Variants in NWD2 observed in about 807,000 individuals in gnomAD.
NWD2 encodes NACHT and WD repeat domain-containing protein 2.
In NWD2, 37 loss-of-function variants were observed where a neutral mutation model predicts 132.7. The observed-to-expected ratio is 0.28, with a 90% confidence interval of 0.21 to 0.37. The LOEUF (loss-of-function observed/expected upper bound fraction) is 0.37. NWD2 is among the 10% of genes least tolerant of loss of function. The pLI is 1.00. For missense variants in NWD2, 1,592 were observed against 2,122.4 expected (o/e 0.75, Z 4.91); for synonymous variants, 705 against 803.0 (o/e 0.88, Z 2.06).
Position 37,447,056 on chromosome 4 carries a change from T to TG in NWD2, c.5070dup (p.Arg1691GlufsTer5). ...TTTTAAAATATCTGTGGATTGCTTA[T>TG]GGAGAGAGTCCACTGAGGTCTTTGC... On this transcript the variant is annotated frameshift_variant, in exon 7 of 7. Transcript: ENST00000309447. LOFTEE classifies it high-confidence loss of function. 6.4e-7 allele frequency: 1 copy of TG among 1,551,734 alleles called. No individual in the cohort carries two copies. The highest frequency in any genetic ancestry group is 8.7e-7 in the Non-Finnish European group (1 of 1,147,004).
intron 1 of NWD2, among the ~76,000 whole-genome samples, chr4:37,318,020 C>CTTTTTTTTTTTTT (rs71185128): frequency 8.8e-6 from 1 of 113,364 alleles, no homozygotes; most frequent in Non-Finnish European, 1.7e-5. Flanking sequence ...TTTTTTCTTT[C>CTTTTTTTTTTTTT]TTTTTTTTTT....
chr4:37,301,290 G>A (rs1194758678), intron 1 of NWD2, among the ~76,000 whole-genome samples: 1 of 152,058 alleles, frequency 6.6e-6, no homozygotes, highest in Non-Finnish European at 1.5e-5. Flanking sequence ...TGGAATTTCA[G>A]TATTTATATG....
rs1244371768 is a variant in NWD2, at chr4:37,443,996, A to G, written c.2008A>G (p.Met670Val). 2 of 1,552,200 alleles carry G rather than the reference A, an allele frequency of 1.3e-6. No homozygotes were observed. The highest frequency in any genetic ancestry group is 1.4e-5 in the African/African-American group (1 of 73,048). Residue 670 changes from methionine to valine, a missense_variant, in exon 7 of 7, where the codon ATG (methionine) becomes GTG (valine). By Grantham distance (21) the Met-to-Val change is conservative (BLOSUM62 1). Coordinates refer to ENST00000309447, the MANE Select transcript of NWD2 (RefSeq NM_001144990.2). This position sits in a 1 kb window ranked among gnomAD's most constrained non-coding sequence, Gnocchi z 4.1. ...RALGYITMAKMGLSEMELEDV... is the reference protein window; with the variant it reads ...RALGYITMAKVGLSEMELEDV... ...TCTTGGTTACATCACCATGGCCAAA[A>G]TGGGTCTGAGTGAAATGGAACTGGA...
intron 2 of NWD2, among the ~76,000 whole-genome samples, chr4:37,327,940 C>T (rs888670314): frequency 7.9e-5 from 12 of 152,076 alleles, no homozygotes; most frequent in African/African-American, 2.9e-4. Flanking sequence ...GCTTGCTTGC[C>T]TTTGCTCATG....
chr4:37,421,841 A>G (rs1711817763), intron 3 of NWD2, among the ~76,000 whole-genome samples: 1 of 151,922 alleles, frequency 6.6e-6, no homozygotes, highest in African/African-American at 2.4e-5. Flanking sequence ...AGATTAAACA[A>G]CAGAATTTTT....
intron 1 of NWD2, among the ~76,000 whole-genome samples, chr4:37,323,212 G>A (rs1719103424): frequency 6.6e-6 from 1 of 152,124 alleles, no homozygotes. Context: ...GTCATTAAAT[G>A]TTAGAAATTT....
At chr4:37,273,258 T>G (rs915809756) in intron 1 of NWD2, among the ~76,000 whole-genome samples, 1 of 151,436 alleles carries the variant, frequency 6.6e-6, no homozygotes, top group African/African-American at 2.4e-5. Context: ...TGATAAGAAG[T>G]GAGCCCTTCA....
intron 3 of NWD2, among the ~76,000 whole-genome samples, chr4:37,400,868 G>A (rs969887690): frequency 6.6e-5 from 10 of 152,184 alleles, no homozygotes; most frequent in African/African-American, 2.4e-4. Context: ...TAATCCATGT[G>A]TGTTACAATA....
intron 3 of NWD2, among the ~76,000 whole-genome samples, chr4:37,396,659 C>T (rs564069131): frequency 3.3e-5 from 5 of 152,284 alleles, no homozygotes; most frequent in African/African-American, 1.2e-4. Context: ...GTCAGGGAGT[C>T]AAATGTGATC....
rs1310423268 is a variant in NWD2 at position 37,445,869 on chromosome 4, C to T, written c.3881C>T (p.Thr1294Ile). 1.9e-6 allele frequency: 3 copies of T among 1,551,940 alleles called. No homozygotes were observed. The change falls in exon 7 of 7, where the codon ACC becomes ATC. Residue 1294 changes from threonine to isoleucine, a missense_variant. This residue lies in a region of NWD2 where 1,071 missense variants were observed against 1,398.0 expected (regional missense o/e 0.77). Coordinates refer to ENST00000309447, the MANE Select transcript of NWD2 (RefSeq NM_001144990.2). This position sits in a 1 kb window ranked among gnomAD's most constrained non-coding sequence, Gnocchi z 4.7. ...SHHNMLLSLS[T>I]SGVLSIWDID... The stretch of plus-strand genomic sequence containing the variant: ...CACAATATGCTACTGTCTTTATCAA[C>T]CAGTGGTGTTCTTTCCATTTGGGAC...
chr4:37,334,483 C>G (rs561784857), intron 2 of NWD2, among the ~76,000 whole-genome samples: 1 of 152,196 alleles, frequency 6.6e-6, no homozygotes, highest in Non-Finnish European at 1.5e-5. Context: ...CAGACATACC[C>G]TTTCTTCACC....
intron 2 of NWD2, among the ~76,000 whole-genome samples, chr4:37,340,673 G>C (rs999238383): frequency 6.6e-6 from 1 of 152,176 alleles, no homozygotes; most frequent in Non-Finnish European, 1.5e-5. Context: ...AGGTTAGGCA[G>C]TGGGAGATGG....
intron 3 of NWD2, among the ~76,000 whole-genome samples, chr4:37,429,228 G>A (rs1046024856): frequency 6.6e-6 from 1 of 152,114 alleles, no homozygotes; most frequent in African/African-American, 2.4e-5. Flanking sequence ...GTATGTTTGT[G>A]TATACATATA....
At chr4:37,435,090 C>T (rs1712287750) in intron 5 of NWD2, among the ~76,000 whole-genome samples, 1 of 152,116 alleles carries the variant, frequency 6.6e-6, no homozygotes, top group Non-Finnish European at 1.5e-5. Context: ...GGAAAGGAAG[C>T]TTTATCATTA....
chr4:37,361,922 T>C (rs1318176388), intron 3 of NWD2, among the ~76,000 whole-genome samples: 1 of 152,082 alleles, frequency 6.6e-6, no homozygotes, highest in Non-Finnish European at 1.5e-5. Context: ...ACCTAGGAAA[T>C]CATAAAGACT....
intron 1 of NWD2, among the ~76,000 whole-genome samples, chr4:37,301,374 C>A (rs1474476978): frequency 6.6e-6 from 1 of 152,022 alleles, no homozygotes; most frequent in African/African-American, 2.4e-5. Flanking sequence ...TTCAACAAAT[C>A]TGGGAAATAT....
At chr4:37,356,291 G>A (rs1434855176) in intron 2 of NWD2, 75 bp from the exon 3 acceptor site, 1 of 745,230 alleles carries the variant, frequency 1.3e-6, no homozygotes, top group Non-Finnish European at 2.1e-6. Flanking sequence ...AAAGTTAAAA[G>A]TCACATTAGC....
chr4:37,254,613 C>T (rs1287810997), intron 1 of NWD2, among the ~76,000 whole-genome samples: 1 of 152,284 alleles, frequency 6.6e-6, no homozygotes, highest in South Asian at 2.1e-4. Context: ...TGCATCACTT[C>T]TTCAAAGCTT....
chr4:37,279,910 T>A (rs1264830030), intron 1 of NWD2, among the ~76,000 whole-genome samples: 1 of 152,202 alleles, frequency 6.6e-6, no homozygotes, highest in African/African-American at 2.4e-5. Context: ...CATTTCATAA[T>A]TCATAGAGAG....
Sources: gnomAD v4.1 joint callset for allele counts (sites outside exome capture counted in the v4.1 genomes callset) on GRCh38, gnomAD v4.1.1 for gene constraint, gnomAD v4.1.1 regional missense constraint, Gnocchi (gnomAD v3.1) non-coding constraint, MANE v1.5 for transcripts, NCBI Gene and HGNC (gene_info 2026-07-23, HGNC 2026-07-21) for gene names.